IL31RA: variants seen among roughly 807,000 people sequenced by gnomAD.
IL31RA encodes interleukin 31 receptor A.
In IL31RA, 66 loss-of-function variants were observed where a neutral mutation model predicts 83.7. The observed-to-expected ratio is 0.79, with a 90% CI of 0.65 to 0.97. The LOEUF is 0.97. Among genes scored for constraint, IL31RA ranks in the 50% least tolerant of loss-of-function variants. The pLI, the probability that IL31RA is intolerant of heterozygous loss-of-function variation, is 0.00. For synonymous variants in IL31RA, 325 were observed against 329.0 expected, an observed-to-expected ratio of 0.99 and a Z score of 0.13; for missense variants, 798 against 919.4, an observed-to-expected ratio of 0.87 and a Z score of 1.71.
chr5:55,886,268 CTTTTTTTTT>C (rs35481013), intron 5 of IL31RA, among the ~76,000 whole-genome samples: 2 of 71,510 alleles, frequency 2.8e-5, no homozygotes, highest in African/African-American at 7.3e-5. Flanking sequence ...TGCTTGCTTG[CTTTTTTTTT>C]TTTTTTTTTT....
intron 2 of IL31RA, among the ~76,000 whole-genome samples, chr5:55,867,301 GTGC>G (rs1746236004): frequency 3.3e-5 from 3 of 92,082 alleles, no homozygotes; most frequent in Non-Finnish European, 4.1e-5. Context: ...ATGTGTGTGT[GTGC>G]GTGTGTGTGT....
chr5:55,877,686 A>G (rs1477947875), intron 4 of IL31RA, among the ~76,000 whole-genome samples: 1 of 152,090 alleles, frequency 6.6e-6, no homozygotes, highest in Admixed American at 6.5e-5. Context: ...TCTGGGCTCT[A>G]AGGTTTTTGC....
Position 55,919,742 on chromosome 5 carries a change from G to A in IL31RA, c.*2622G>A, listed in dbSNP as rs1749994276. Among the ~76,000 whole-genome samples the A allele has an allele frequency of 6.6e-6, 1 of 152,094 alleles. No individual in the cohort carries two copies. The highest frequency in any genetic ancestry group is 6.5e-5 in the Admixed American group (1 of 15,272). On this transcript the variant is annotated 3_prime_UTR_variant, in exon 15 of 15. Coordinates refer to ENST00000652347, the MANE Select transcript of IL31RA (RefSeq NM_139017.7). Reference sequence around the variant, plus strand: ...CTATGAGTCCCCAAAAGGCACTGGTGGGCCACACCTTAGCTCTCCTGAGCA... The same window carrying A: ...CTATGAGTCCCCAAAAGGCACTGGTAGGCCACACCTTAGCTCTCCTGAGCA...
chr5:55,872,584 A>G, intron 4 of IL31RA, 133 bp downstream of exon 4: 1 of 263,284 alleles, frequency 3.8e-6, no homozygotes, highest in African/African-American at 2.3e-5. Context: ...CAGAAAATTC[A>G]TCTTCTAATT....
intron 3 of IL31RA, among the ~76,000 whole-genome samples, 185 bp from the exon 4 acceptor site, chr5:55,872,085 G>C (rs1046166650): frequency 2.0e-5 from 3 of 152,094 alleles, no homozygotes; most frequent in African/African-American, 7.2e-5. Flanking sequence ...CAGAAAGCAG[G>C]TAACCTTTAC....
chr5:55,840,421 G>T, the IL31RA span, among the ~76,000 whole-genome samples: 1 of 152,162 alleles, frequency 6.6e-6, no homozygotes, highest in East Asian at 1.9e-4. Context: ...GCTAAGATGA[G>T]GTTAGTAACG....
chr5:55,874,403 A>G (rs1431058059), intron 4 of IL31RA, among the ~76,000 whole-genome samples: 2 of 152,084 alleles, frequency 1.3e-5, no homozygotes, highest in Admixed American at 6.5e-5. Flanking sequence ...GCATTTCCAT[A>G]TAATATTTTA....
intron 6 of IL31RA, among the ~76,000 whole-genome samples, chr5:55,894,226 T>G (rs1224553658): frequency 6.6e-6 from 1 of 152,076 alleles, no homozygotes; most frequent in African/African-American, 2.4e-5. Context: ...TAAAGGTCCC[T>G]CTAATCCTGC....
intron 2 of IL31RA, among the ~76,000 whole-genome samples, chr5:55,867,292 T>C (rs1321839530): frequency 1.7e-5 from 1 of 60,102 alleles, no homozygotes; most frequent in Non-Finnish European, 3.1e-5. Context: ...TGTGTGTGCA[T>C]GTGTGTGTGT....
Position 55,922,458 on chromosome 5 carries a change from G to A in IL31RA, c.*5338G>A. The A allele has an allele frequency of 6.5e-7, 1 of 1,542,556 alleles. No homozygotes were observed. The highest frequency in any genetic ancestry group is 8.8e-7 in the Non-Finnish European group (1 of 1,139,484). On this transcript the variant is annotated 3_prime_UTR_variant, in exon 15 of 15. Coordinates refer to ENST00000652347, the MANE Select transcript of IL31RA (RefSeq NM_139017.7). ...GTGTGGACTAAAATGCGAGAAAGGT[G>A]TCCTGTGGTCTATGCAAATTAGAAA...
chr5:55,855,620 C>T (rs1745312069), intron 1 of IL31RA, among the ~76,000 whole-genome samples: 1 of 152,120 alleles, frequency 6.6e-6, no homozygotes, highest in East Asian at 1.9e-4. Flanking sequence ...GTGAAGTATC[C>T]ATTTTATGGG....
chr5:55,851,370 G>T lies in IL31RA; in HGVS notation c.-201G>T. 3.7e-6 allele frequency: 3 copies of T among 819,084 alleles called. No homozygotes were observed. 50.7% of individuals were successfully genotyped at this position (819,084 alleles called of 1,614,324 possible). On this transcript the variant is annotated 5_prime_UTR_variant, in exon 1 of 15. Transcript: ENST00000652347. ...TCTCCATGAGGCACAGCCTCCTTCT[G>T]CTTAGGAACACCAGACAGCACTCCA...
chr5:55,911,461 T>C (rs538759686), intron 12 of IL31RA, among the ~76,000 whole-genome samples: 2 of 152,112 alleles, frequency 1.3e-5, no homozygotes, highest in African/African-American at 4.8e-5. Context: ...TACTGACCCA[T>C]AGGAAGGGGC....
chr5:55,854,228 C>G (rs1235393756), intron 1 of IL31RA, among the ~76,000 whole-genome samples: 1 of 152,156 alleles, frequency 6.6e-6, no homozygotes, highest in Non-Finnish European at 1.5e-5. Context: ...TAAATGAAGG[C>G]AGCCCACAAC....
intron 1 of IL31RA, among the ~76,000 whole-genome samples, chr5:55,857,702 T>A (rs184953331): frequency 1.3e-5 from 2 of 152,226 alleles, no homozygotes; most frequent in African/African-American, 4.8e-5. Context: ...GACATGAGAG[T>A]CCTCAGTAAC....
At chr5:55,873,420 C>T (rs1746657170) in intron 4 of IL31RA, among the ~76,000 whole-genome samples, 1 of 151,996 alleles carries the variant, frequency 6.6e-6, no homozygotes, top group Non-Finnish European at 1.5e-5. Context: ...AGATATATAC[C>T]TAGTGAAATT....
chr5:55,917,365 A>G lies in IL31RA; in HGVS notation c.*245A>G. On this transcript the variant is annotated 3_prime_UTR_variant, in exon 15 of 15. Coordinates refer to ENST00000652347, the MANE Select transcript of IL31RA (RefSeq NM_139017.7). ...GCAGTCTCTTTTCGTTTGTTCAGAT[A>G]CCAAGCTCTCACCGAGGCCTCCTGA... is the stretch of plus-strand genomic sequence containing the variant. The G allele has an allele frequency of 5.9e-6, 8 of 1,354,680 alleles. No homozygotes were observed. The South Asian group carries it at 1.1e-4, about 18-fold the overall frequency. The allele number at this position is 1,354,680 out of a possible 1,614,324, so 83.9% of individuals were successfully genotyped here. A position where few individuals can be genotyped will look rare whatever the true frequency, so the allele number is the denominator to read the frequency against.
chr5:55,896,479 T>TTTCCCTCCC lies in IL31RA; in HGVS notation c.852+73_852+81dup, dbSNP rs750983963. On this transcript the variant is annotated intron_variant, in intron 7 of 14. Coordinates refer to ENST00000652347, the MANE Select transcript of IL31RA (RefSeq NM_139017.7). Reference sequence around the variant, plus strand: ...CTCTCTCTTTCTTCCCCTTCCCTCCTTTCCCTCCCTTCCCTCCCTTCCCTC... The same window carrying TTTCCCTCCC: ...CTCTCTCTTTCTTCCCCTTCCCTCCTTTCCCTCCCTTCCCTCCCTTCCCTCCCTTCCCTC... 7.6e-4 allele frequency: 892 copies of TTTCCCTCCC among 1,180,514 alleles called. 2 individuals are homozygous for TTTCCCTCCC. Among genetic ancestry groups the TTTCCCTCCC allele is most frequent in the African/African-American group, 4.1e-3 (253 of 61,450 alleles). The allele number at this position is 1,180,514 out of a possible 1,614,324, so 73.1% of individuals were successfully genotyped here. A position where few individuals can be genotyped will look rare whatever the true frequency, so the allele number is the denominator to read the frequency against.
At chr5:55,897,832 G>C (rs1230806642) in intron 7 of IL31RA, among the ~76,000 whole-genome samples, 1 of 152,198 alleles carries the variant, frequency 6.6e-6, no homozygotes, top group Non-Finnish European at 1.5e-5. Context: ...GAATTCCTTC[G>C]TGTGCCTCCA....
Sources: allele counts gnomAD v4.1 joint callset (sites outside exome capture counted in the v4.1 genomes callset), GRCh38; gene constraint gnomAD v4.1.1; transcripts MANE v1.5; gene names NCBI Gene and HGNC (gene_info 2026-07-23, HGNC 2026-07-21).